Variants in AARSD1 observed in about 807,000 individuals in gnomAD.
The protein encoded by AARSD1 is alanyl-tRNA editing protein Aarsd1.
Under a neutral mutation model 48.7 loss-of-function variants are expected in AARSD1, and 44 were observed. The ratio of observed to expected loss-of-function variants is 0.90; its 90% CI spans 0.71 to 1.16. AARSD1 has a LOEUF of 1.16. Among genes scored for constraint, AARSD1 ranks in the 50% most tolerant of loss-of-function variants. The pLI is 0.00. For missense variants in AARSD1, 511 were observed against 523.1 expected (o/e 0.98, Z 0.23); for synonymous variants, 189 against 194.9 (o/e 0.97, Z 0.25).
chr17:42,964,085 G>A (rs1373417240), intron 2 of AARSD1, 21 bp downstream of exon 2: 24 of 1,613,796 alleles, frequency 1.5e-5, no homozygotes, highest in Non-Finnish European at 1.9e-5. Context: ...GGGGCTTCCT[G>A]GGAAGAGATC....
chr17:42,961,164 G>C (rs889427304), intron 3 of AARSD1, 28 bp downstream of exon 3: 1 of 1,592,900 alleles, frequency 6.3e-7, no homozygotes, highest in Non-Finnish European at 8.6e-7. Flanking sequence ...AACTGCTCCG[G>C]TGTTATGTCC....
At chr17:42,952,012 C>T (rs920022690) in intron 10 of AARSD1, 118 bp from the exon 11 acceptor site, 25 of 1,175,214 alleles carry the variant, frequency 2.1e-5, no homozygotes, top group African/African-American at 3.0e-5. Flanking sequence ...CACCAAGTGA[C>T]GCTCCTGATG....
intron 10 of AARSD1, among the ~76,000 whole-genome samples, chr17:42,952,707 C>T (rs2049495431): frequency 6.6e-6 from 1 of 151,990 alleles, no homozygotes; most frequent in Non-Finnish European, 1.5e-5. Context: ...AACAAAAGAC[C>T]TGGAAATCTC....
intron 11 of AARSD1, 46 bp from the exon 12 acceptor site, chr17:42,950,774 C>CAA: frequency 3.3e-6 from 5 of 1,519,822 alleles, no homozygotes; most frequent in South Asian, 1.3e-5. Flanking sequence ...GGAAAAGTCA[C>CAA]AAAAAAAAAC....
At chr17:42,953,180 A>G (rs968547555) in intron 10 of AARSD1, among the ~76,000 whole-genome samples, 1 of 151,830 alleles carries the variant, frequency 6.6e-6, no homozygotes, top group Non-Finnish European at 1.5e-5. Flanking sequence ...GGGTTTTACC[A>G]TGTTGCCCAG....
In AARSD1 at chr17:42,956,207, A is replaced by C. The variant is rs763286283; in HGVS notation, c.660T>G (p.Leu220=). 3 of 1,614,026 alleles carry C rather than the reference A, an allele frequency of 1.9e-6. No homozygotes were observed. Among genetic ancestry groups the C allele is most frequent in the Non-Finnish European group, 2.5e-6 (3 of 1,180,018 alleles). The change falls in exon 6 of 12, where the codon CTT becomes CTG. Residue 220 remains leucine (L), a synonymous_variant. Coordinates refer to ENST00000427569, the MANE Select transcript of AARSD1 (RefSeq NM_001261434.2). ...CGTHVSNLSD[L]QVIKILGTEK... ...TCCACAGCCGTTCCTCACTTACCTGAAGGTCACTGAGATTGCTCACATGGG... is the reference window on the plus strand; with the variant it reads ...TCCACAGCCGTTCCTCACTTACCTGCAGGTCACTGAGATTGCTCACATGGG...
intron 10 of AARSD1, 79 bp downstream of exon 10, chr17:42,953,645 T>C (rs753766431): frequency 2.3e-5 from 37 of 1,595,230 alleles, no homozygotes; most frequent in East Asian, 4.5e-5. Flanking sequence ...GGAGGGACTT[T>C]GGCTAAACTA....
At chr17:42,959,767 G>A (rs914202413) in intron 3 of AARSD1, among the ~76,000 whole-genome samples, 4 of 151,334 alleles carry the variant, frequency 2.6e-5, no homozygotes, top group African/African-American at 9.7e-5. Context: ...AGGTTAAAGC[G>A]ATTCTCCTGT....
intron 2 of AARSD1, among the ~76,000 whole-genome samples, chr17:42,963,503 T>C (rs1316311581): frequency 6.6e-6 from 1 of 152,106 alleles, no homozygotes; most frequent in East Asian, 1.9e-4. Flanking sequence ...CTTCACAATG[T>C]ACCTCACTTG....
At chr17:42,956,365 A>G in intron 5 of AARSD1, 39 bp downstream of exon 5, 7 of 1,614,098 alleles carry the variant, frequency 4.3e-6, no homozygotes, top group Non-Finnish European at 5.1e-6. Context: ...CTGATGAGGA[A>G]TCATTCCGCA....
At chr17:42,964,267 C>T in intron 1 of AARSD1, 30 bp from the exon 2 acceptor site, 1 of 1,468,640 alleles carries the variant, frequency 6.8e-7, no homozygotes, top group Non-Finnish European at 9.0e-7. Flanking sequence ...AGAATAAGCC[C>T]CGACCCCAGC....
chr17:42,955,228 A>G lies in AARSD1; in HGVS notation c.795-4T>C. On this transcript the variant is annotated splice_region_variant and splice_polypyrimidine_tract_variant and intron_variant, in intron 7 of 11. Transcript: ENST00000427569. ...CACATGATCCTCTGCTCCACACCTG[A>G]AAGAGAAAGGTCAGAGGAGACCTGC... is the stretch of plus-strand genomic sequence containing the variant. 6.2e-7 allele frequency: 1 copy of G among 1,613,648 alleles called. No individual in the cohort carries two copies. The highest frequency in any genetic ancestry group is 1.1e-5 in the South Asian group (1 of 90,822).
chr17:42,950,577 T>C lies in AARSD1; in HGVS notation c.*16A>G. On this transcript the variant is annotated 3_prime_UTR_variant, in exon 12 of 12. Transcript: ENST00000427569. ...AAAAGATTCCTGTGGAAACAGGAGGTGAGTGCCCTAAGCCCTCACTCCTTA... is the reference window on the plus strand; with the variant it reads ...AAAAGATTCCTGTGGAAACAGGAGGCGAGTGCCCTAAGCCCTCACTCCTTA... 6.3e-7 allele frequency: 1 copy of C among 1,582,488 alleles called. No individual in the cohort carries two copies. The highest frequency in any genetic ancestry group is 8.6e-7 in the Non-Finnish European group (1 of 1,162,920).
intron 3 of AARSD1, among the ~76,000 whole-genome samples, chr17:42,958,121 T>C (rs1298424921): frequency 6.6e-6 from 1 of 152,142 alleles, no homozygotes; most frequent in Non-Finnish European, 1.5e-5. Flanking sequence ...TTGTATGCCA[T>C]GGTAAAAAGT....
intron 10 of AARSD1, among the ~76,000 whole-genome samples, chr17:42,953,401 C>G (rs540332742): frequency 6.6e-6 from 1 of 152,226 alleles, no homozygotes; most frequent in African/African-American, 2.4e-5. Flanking sequence ...TGAGCCACCG[C>G]GACCAGCCCA....
intron 3 of AARSD1, among the ~76,000 whole-genome samples, chr17:42,959,899 T>C (rs2049609741): frequency 1.3e-5 from 2 of 151,758 alleles, no homozygotes; most frequent in South Asian, 4.1e-4. Flanking sequence ...CTTAACTTCA[T>C]GATCTGCCCA....
intron 3 of AARSD1, 57 bp from the exon 4 acceptor site, chr17:42,957,252 T>C (rs1286237441): frequency 8.7e-6 from 14 of 1,600,016 alleles, no homozygotes; most frequent in Non-Finnish European, 1.2e-5. Flanking sequence ...ACTCCCACAA[T>C]GATAAAATAT....
intron 3 of AARSD1, among the ~76,000 whole-genome samples, chr17:42,959,263 G>A (rs1280267789): frequency 6.6e-6 from 1 of 151,064 alleles, no homozygotes; most frequent in Non-Finnish European, 1.5e-5. Flanking sequence ...CTGTTGCCCA[G>A]GCTGGCGTGC....
intron 7 of AARSD1, chr17:42,955,494 A>G: frequency 2.3e-6 from 1 of 439,138 alleles, no homozygotes; most frequent in East Asian, 4.8e-5. Context: ...GCTGGAGTGC[A>G]GTGGAACGAT....
Sources: allele counts gnomAD v4.1 joint callset (sites outside exome capture counted in the v4.1 genomes callset), GRCh38; gene constraint gnomAD v4.1.1; transcripts MANE v1.5; gene names NCBI Gene and HGNC (gene_info 2026-07-23, HGNC 2026-07-21).